Variants in PAFAH2 observed in about 807,000 individuals in gnomAD.
PAFAH2 encodes platelet activating factor acetylhydrolase 2.
In PAFAH2, 42 loss-of-function variants were observed where a neutral mutation model predicts 49.0. That is an observed-to-expected ratio of 0.86 (90% CI 0.67 to 1.11). PAFAH2 has a LOEUF of 1.11. Ranked by LOEUF, PAFAH2 falls within the 50% of genes least tolerant of loss-of-function variation. The pLI, the probability that PAFAH2 is intolerant of heterozygous loss-of-function variation, is 0.00. For missense variants in PAFAH2, 503 were observed against 501.8 expected (o/e 1.00, Z -0.02); for synonymous variants, 184 against 181.3 (o/e 1.01, Z -0.12).
intron 1 of PAFAH2, among the ~76,000 whole-genome samples, chr1:25,994,689 T>C (rs952417193): frequency 6.6e-6 from 1 of 152,080 alleles, no homozygotes; most frequent in African/African-American, 2.4e-5. Flanking sequence ...GTTTTAAGAT[T>C]GGGGAACCAG....
chr1:25,986,320 T>C (rs1371572987), intron 4 of PAFAH2, among the ~76,000 whole-genome samples: 2 of 151,972 alleles, frequency 1.3e-5, no homozygotes, highest in East Asian at 1.9e-4. Context: ...GAACGGTGAA[T>C]AGTCCAGGCA....
At position 25,984,515 on chromosome 1, in the gene PAFAH2, C is replaced by T. The variant is rs2049749597; in HGVS notation, c.355G>A (p.Ala119Thr). 4 of 1,613,514 alleles carry T rather than the reference C, an allele frequency of 2.5e-6. No individual in the cohort carries two copies. The Admixed American group carries it at 6.7e-5, about 27-fold the overall frequency. Residue 119 changes from alanine to threonine, a missense_variant, in exon 5 of 11, where the codon GCC becomes ACC. Coordinates refer to ENST00000374282, the MANE Select transcript of PAFAH2 (RefSeq NM_000437.4). The stretch of plus-strand genomic sequence containing the variant: ...CGTGAGGCCAGCTCCATGCAGAAGG[C>T]TGAATACAAAGTCCTGGAGATTCAA... ...GLGAFRTLYS[A>T]FCMELASRGF...
intron 7 of PAFAH2, 46 bp downstream of exon 7, chr1:25,982,318 A>C: frequency 7.3e-7 from 1 of 1,378,560 alleles, no homozygotes; most frequent in Non-Finnish European, 1.0e-6. Flanking sequence ...TGTAACCGAG[A>C]AAACCCTGAA....
chr1:25,968,651 C>T (rs2049463735), intron 10 of PAFAH2, among the ~76,000 whole-genome samples: 1 of 152,116 alleles, frequency 6.6e-6, no homozygotes, highest in Non-Finnish European at 1.5e-5. Context: ...ATTTTAGTTT[C>T]CCATGTGACA....
chr1:25,988,068 C>A (rs1285967177), intron 4 of PAFAH2, among the ~76,000 whole-genome samples, 163 bp downstream of exon 4: 1 of 152,040 alleles, frequency 6.6e-6, no homozygotes, highest in African/African-American at 2.4e-5. Flanking sequence ...TTGAAAAAGG[C>A]CTTCTGGGGA....
At chr1:25,988,944 GTGGA>G (rs2049831309) in intron 3 of PAFAH2, among the ~76,000 whole-genome samples, 1 of 151,994 alleles carries the variant, frequency 6.6e-6, no homozygotes, top group Non-Finnish European at 1.5e-5. Context: ...TTTGGGGGAA[GTGGA>G]TGACTCAATG....
intron 10 of PAFAH2, 51 bp from the exon 11 acceptor site, chr1:25,962,134 C>T (rs1399237442): frequency 1.7e-5 from 24 of 1,451,920 alleles, no homozygotes; most frequent in Non-Finnish European, 2.1e-5. Flanking sequence ...GAGGTTTGGT[C>T]AAAGAGTAGC....
At chr1:25,995,728 T>C (rs2124375763) in intron 1 of PAFAH2, among the ~76,000 whole-genome samples, 1 of 152,312 alleles carries the variant, frequency 6.6e-6, no homozygotes, top group Non-Finnish European at 1.5e-5. Context: ...ATCCAATGAA[T>C]ACTATTTAAT....
intron 6 of PAFAH2, among the ~76,000 whole-genome samples, chr1:25,983,257 GC>G (rs1361698752): frequency 2.0e-5 from 3 of 152,022 alleles, no homozygotes; most frequent in Non-Finnish European, 4.4e-5. Flanking sequence ...GGTGGTGTGT[GC>G]CTGTAGTCCC....
At chr1:25,996,803 A>G (rs766929054) in intron 1 of PAFAH2, among the ~76,000 whole-genome samples, 2 of 152,236 alleles carry the variant, frequency 1.3e-5, no homozygotes, top group Non-Finnish European at 2.9e-5. Context: ...GATACTTCGT[A>G]AGTGAAAATA....
At chr1:25,962,199 G>C in intron 10 of PAFAH2, 116 bp from the exon 11 acceptor site, 1 of 750,674 alleles carries the variant, frequency 1.3e-6, no homozygotes, top group Non-Finnish European at 2.2e-6. Context: ...ATACCAAAAG[G>C]ACTGGTTTTG....
At chr1:25,988,354 T>G (rs764015846) in intron 3 of PAFAH2, 27 bp from the exon 4 acceptor site, 1 of 1,562,310 alleles carries the variant, frequency 6.4e-7, no homozygotes. Context: ...CTATAGAATA[T>G]CTGGCTGCCC....
chr1:25,990,850 G>C lies in PAFAH2; in HGVS notation c.-34C>G. The C allele has an allele frequency of 6.4e-7, 1 of 1,558,970 alleles. No homozygotes were observed. Among genetic ancestry groups the C allele is most frequent in the South Asian group, 1.1e-5 (1 of 89,722 alleles). On this transcript the variant is annotated 5_prime_UTR_variant, in exon 2 of 11. Transcript: ENST00000374282. The stretch of plus-strand genomic sequence containing the variant: ...CGGGTGAATCAAATGACTTGCCGGA[G>C]CTGAACTTGCTGGCTGGATGGGGGA...
At chr1:25,963,257 TA>T (rs2049367489) in intron 10 of PAFAH2, among the ~76,000 whole-genome samples, 1 of 152,118 alleles carries the variant, frequency 6.6e-6, no homozygotes, top group Non-Finnish European at 1.5e-5. Flanking sequence ...CAAAAAACAA[TA>T]AGCACATCCA....
At chr1:25,972,834 T>A (rs1287846275) in intron 9 of PAFAH2, 122 bp from the exon 10 acceptor site, 5 of 966,002 alleles carry the variant, frequency 5.2e-6, no homozygotes, top group Middle Eastern at 2.2e-4. Context: ...CACAGCAACC[T>A]TGTAAGGGAA....
At chr1:25,963,315 A>C (rs1408715068) in intron 10 of PAFAH2, among the ~76,000 whole-genome samples, 1 of 152,216 alleles carries the variant, frequency 6.6e-6, no homozygotes, top group Non-Finnish European at 1.5e-5. Context: ...ATCCACAAAC[A>C]AAACAGATGG....
Position 25,968,228 on chromosome 1 carries a change from A to G in PAFAH2, c.1084+4330T>C, listed in dbSNP as rs751824547. ...AAAAATCACTGGCGCAATCATGTTG[A>G]GCAGACAGAAGAGGATGGAATCTTG... is the stretch of plus-strand genomic sequence containing the variant. On this transcript the variant is annotated intron_variant, in intron 10 of 10. Coordinates refer to ENST00000374282, the MANE Select transcript of PAFAH2 (RefSeq NM_000437.4). 7.2e-5 allele frequency among the ~76,000 whole-genome samples: 11 copies of G among 152,098 alleles called. 1 individual carries two copies. The highest frequency in any genetic ancestry group is 1.5e-4 in the Non-Finnish European group (10 of 67,998).
chr1:25,984,026 T>C lies in PAFAH2; in HGVS notation c.472A>G (p.Asn158Asp), dbSNP rs762266624. The C allele has an allele frequency of 1.2e-6, 2 of 1,614,130 alleles. No homozygotes were observed. Among genetic ancestry groups the C allele is most frequent in the African/African-American group, 2.7e-5 (2 of 75,018 alleles). Residue 158 changes from asparagine to aspartate, a missense_variant, in exon 6 of 11, where the codon AAT (asparagine) becomes GAT (aspartate). By Grantham distance (23) the Asn-to-Asp change is conservative (BLOSUM62 1). Transcript: ENST00000374282. Reference sequence around the variant, plus strand: ...ATCCATTCCTCCTGCAGCGATTCATTGGTGGGCTGGTTCTCTTCTGGGGCC... The same window carrying C: ...ATCCATTCCTCCTGCAGCGATTCATCGGTGGGCTGGTTCTCTTCTGGGGCC... ...KQAPEENQPTNESLQEEWIPF... is the reference protein window; with the variant it reads ...KQAPEENQPTDESLQEEWIPF...
intron 1 of PAFAH2, among the ~76,000 whole-genome samples, chr1:25,995,908 A>C (rs1417870396): frequency 2.0e-5 from 3 of 152,178 alleles, no homozygotes; most frequent in East Asian, 3.8e-4. Flanking sequence ...AGTCTTCTTT[A>C]ATCTTTGTTT....
Sources: allele counts gnomAD v4.1 joint callset (sites outside exome capture counted in the v4.1 genomes callset), GRCh38; gene constraint gnomAD v4.1.1; transcripts MANE v1.5; gene names NCBI Gene and HGNC (gene_info 2026-07-23, HGNC 2026-07-21).